RARB: variants seen among roughly 807,000 people sequenced by gnomAD.
The protein encoded by RARB is retinoic acid receptor beta.
A neutral mutation model predicts 51.9 loss-of-function variants in RARB; 17 were observed. That is an observed-to-expected ratio of 0.33 (90% CI 0.22 to 0.49). The LOEUF (loss-of-function observed/expected upper bound fraction) is 0.49. Ranked by LOEUF, RARB falls within the 20% of genes least tolerant of loss-of-function variation. The probability of loss-of-function intolerance (pLI) is 0.99; values close to 1 mark genes in which losing one functional copy is unlikely to be tolerated. For missense variants in RARB, 369 were observed against 550.8 expected, an observed-to-expected ratio of 0.67 and a Z score of 3.30; for synonymous variants, 215 against 195.4, an observed-to-expected ratio of 1.10 and a Z score of -0.84.
intron 2 of RARB, among the ~76,000 whole-genome samples, chr3:24,916,648 T>C (rs1242568732): frequency 6.6e-6 from 1 of 152,086 alleles, no homozygotes; most frequent in African/African-American, 2.4e-5. Flanking sequence ...ATCTTCTGTG[T>C]TGCTCATGTG....
intron 2 of RARB, among the ~76,000 whole-genome samples, chr3:24,901,729 T>C (rs1703610822): frequency 6.6e-6 from 1 of 152,152 alleles, no homozygotes; most frequent in Non-Finnish European, 1.5e-5. Flanking sequence ...GATGCCCAGC[T>C]CACCTTAGTT....
At chr3:24,927,919 A>G (rs1695355216) in intron 2 of RARB, among the ~76,000 whole-genome samples, 1 of 152,120 alleles carries the variant, frequency 6.6e-6, no homozygotes. Context: ...CACATGTCAA[A>G]GGATTACTTT....
intron 2 of RARB, among the ~76,000 whole-genome samples, chr3:24,955,413 C>T (rs376800026): frequency 1.1e-4 from 16 of 152,202 alleles, no homozygotes; most frequent in African/African-American, 2.6e-4. Context: ...GGTGGGAAAA[C>T]GGGGATAACT....
chr3:24,873,617 T>A (rs1702987479), intron 2 of RARB, among the ~76,000 whole-genome samples: 1 of 151,972 alleles, frequency 6.6e-6, no homozygotes, highest in Non-Finnish European at 1.5e-5. Flanking sequence ...AGTACTTTTT[T>A]ATTTGGGTTT....
chr3:25,481,231 CT>C (rs1275291498), intron 2 of RARB, among the ~76,000 whole-genome samples: 3 of 152,208 alleles, frequency 2.0e-5, no homozygotes, highest in Non-Finnish European at 1.5e-5. Context: ...TAAATCTATT[CT>C]TTAAGTATTG....
At position 25,199,692 on chromosome 3, in the gene RARB, A is replaced by C. The variant is rs146652646; in HGVS notation, c.178+25117A>C. Among the ~76,000 whole-genome samples the C allele has an allele frequency of 3.8e-3, 578 of 152,072 alleles. 2 individuals are homozygous for C. Among genetic ancestry groups the C allele is most frequent in the African/African-American group, 0.014 (563 of 41,488 alleles). On this transcript the variant is annotated intron_variant, in intron 5 of 11. Transcript: ENST00000383772. ...TTCCCACCTATGAGTGAGAACATGC[A>C]GTGTTTGGTTTCTTGACCTTGCGAT...
At chr3:24,992,994 G>C (rs1431024286) in intron 2 of RARB, among the ~76,000 whole-genome samples, 3 of 151,980 alleles carry the variant, frequency 2.0e-5, no homozygotes, top group East Asian at 1.9e-4. Context: ...GACATATTTA[G>C]TGAATTTACT....
chr3:25,024,436 A>G (rs1301797981), intron 2 of RARB, among the ~76,000 whole-genome samples: 1 of 152,190 alleles, frequency 6.6e-6, no homozygotes, highest in African/African-American at 2.4e-5. Context: ...CATGATTAAA[A>G]TTAATAAGAT....
At chr3:25,065,213 G>A (rs371547263) in intron 3 of RARB, among the ~76,000 whole-genome samples, 18 of 151,174 alleles carry the variant, frequency 1.2e-4, no homozygotes, top group South Asian at 2.1e-4. Flanking sequence ...AACTCCTTGC[G>A]AACAACCTGA....
At chr3:24,847,161 G>A (rs1478658416) in intron 1 of RARB, among the ~76,000 whole-genome samples, 1 of 152,172 alleles carries the variant, frequency 6.6e-6, no homozygotes, top group Non-Finnish European at 1.5e-5. Flanking sequence ...GTCTGAGGGT[G>A]GGAACCAGCC....
intron 3 of RARB, among the ~76,000 whole-genome samples, chr3:25,088,400 C>T (rs941762020): frequency 2.6e-5 from 4 of 152,232 alleles, no homozygotes; most frequent in African/African-American, 7.2e-5. Flanking sequence ...TTGCTTGCCA[C>T]GCTGGTCTTT....
chr3:25,116,894 T>G (rs775102571), intron 3 of RARB, among the ~76,000 whole-genome samples: 2 of 152,268 alleles, frequency 1.3e-5, no homozygotes, highest in Non-Finnish European at 2.9e-5. Flanking sequence ...TGTGCCAATT[T>G]TCCTCTTCCT....
At chr3:24,921,692 G>A (rs1456971744) in intron 2 of RARB, among the ~76,000 whole-genome samples, 1 of 152,108 alleles carries the variant, frequency 6.6e-6, no homozygotes, top group South Asian at 2.1e-4. Flanking sequence ...TCTCCCCAGA[G>A]TGCTACACTA....
chr3:25,373,091 G>A (rs766577873), intron 5 of RARB, among the ~76,000 whole-genome samples: 4 of 152,136 alleles, frequency 2.6e-5, no homozygotes, highest in South Asian at 2.1e-4. Flanking sequence ...ATTTGGAAGC[G>A]TTTGTCTGTA....
chr3:25,533,808 T>C (rs1014725450), intron 3 of RARB, among the ~76,000 whole-genome samples: 1 of 152,250 alleles, frequency 6.6e-6, no homozygotes, highest in Non-Finnish European at 1.5e-5. Context: ...AATTATGTAA[T>C]TGAAAGCATG....
chr3:25,388,496 A>C (rs1281599815), intron 5 of RARB, among the ~76,000 whole-genome samples: 1 of 152,232 alleles, frequency 6.6e-6, no homozygotes, highest in Non-Finnish European at 1.5e-5. Context: ...AGTTTAATGA[A>C]AGATAAGTGG....
At chr3:25,493,454 G>T (rs1696851255) in intron 2 of RARB, among the ~76,000 whole-genome samples, 2 of 152,164 alleles carry the variant, frequency 1.3e-5, no homozygotes, top group South Asian at 4.1e-4. Flanking sequence ...TTTACTACTG[G>T]CTGGAAATGA....
chr3:25,316,399 G>A (rs1451850067), intron 5 of RARB, among the ~76,000 whole-genome samples: 1 of 151,956 alleles, frequency 6.6e-6, no homozygotes, highest in African/African-American at 2.4e-5. Flanking sequence ...ATTAAAAATG[G>A]TACAAAGTGG....
At chr3:25,418,203 A>C (rs1482230489) in intron 5 of RARB, among the ~76,000 whole-genome samples, 1 of 152,200 alleles carries the variant, frequency 6.6e-6, no homozygotes, top group African/African-American at 2.4e-5. Context: ...AACCTATTGT[A>C]GGGGAAATAG....
Sources: allele counts gnomAD v4.1 joint callset (sites outside exome capture counted in the v4.1 genomes callset), GRCh38; gene constraint gnomAD v4.1.1; transcripts MANE v1.5; gene names NCBI Gene and HGNC (gene_info 2026-07-23, HGNC 2026-07-21).